Variants in LDLRAD3 observed in about 807,000 individuals in gnomAD.
LDLRAD3 encodes low-density lipoprotein receptor class A domain-containing protein 3.
LDLRAD3 carries 20 observed loss-of-function variants against 29.4 expected under a neutral mutation model. The ratio of observed to expected loss-of-function variants is 0.68; its 90% CI spans 0.48 to 0.99. The LOEUF (loss-of-function observed/expected upper bound fraction) is 0.99. Among genes scored for constraint, LDLRAD3 ranks in the 50% least tolerant of loss-of-function variants. The pLI is 0.00. For synonymous variants in LDLRAD3, 157 were observed against 192.7 expected, an observed-to-expected ratio of 0.81 and a Z score of 1.53; for missense variants, 420 against 454.3, an observed-to-expected ratio of 0.92 and a Z score of 0.69.
intron 4 of LDLRAD3, among the ~76,000 whole-genome samples, chr11:36,163,936 G>C (rs1277374194): frequency 6.6e-6 from 1 of 152,206 alleles, no homozygotes; most frequent in Non-Finnish European, 1.5e-5. Flanking sequence ...TTTGTCCCTA[G>C]TGCTGAGTGG....
chr11:36,030,970 G>A (rs906729409), intron 1 of LDLRAD3, among the ~76,000 whole-genome samples: 1 of 152,180 alleles, frequency 6.6e-6, no homozygotes. Flanking sequence ...TTTTGTAGTT[G>A]CCCCAGTTTG....
At chr11:36,142,417 T>G (rs1408433973) in intron 4 of LDLRAD3, among the ~76,000 whole-genome samples, 2 of 152,210 alleles carry the variant, frequency 1.3e-5, no homozygotes, top group African/African-American at 4.8e-5. Context: ...TGGTGAAATT[T>G]TGAGGTTGAA....
At chr11:36,131,815 A>AGTTTGTATATC (rs1853929897) in intron 4 of LDLRAD3, among the ~76,000 whole-genome samples, 1 of 152,144 alleles carries the variant, frequency 6.6e-6, no homozygotes, top group Non-Finnish European at 1.5e-5. Context: ...AGTCTATATC[A>AGTTTGTATATC]CACATCTTGC....
chr11:36,227,845 A>T (rs1363457831), intron 5 of LDLRAD3, among the ~76,000 whole-genome samples: 1 of 152,212 alleles, frequency 6.6e-6, no homozygotes, highest in African/African-American at 2.4e-5. Flanking sequence ...CTCACCTGCT[A>T]CTGCAGAGCA....
chr11:36,045,443 G>A (rs78281444), intron 2 of LDLRAD3, among the ~76,000 whole-genome samples: 4,494 of 152,274 alleles, frequency 0.03, 116 homozygotes, highest in East Asian at 0.13. Flanking sequence ...AGATGTCTAA[G>A]GCAAGGTGTC....
chr11:35,970,267 A>T (rs192602690), intron 1 of LDLRAD3, among the ~76,000 whole-genome samples: 1 of 152,322 alleles, frequency 6.6e-6, no homozygotes, highest in Admixed American at 6.5e-5. Context: ...TCGTTAAGAC[A>T]CAGTTCTGTT....
chr11:36,151,565 C>G (rs143070700), intron 4 of LDLRAD3, among the ~76,000 whole-genome samples: 53 of 152,290 alleles, frequency 3.5e-4, no homozygotes, highest in African/African-American at 1.2e-3. Context: ...TTTCCAAAGC[C>G]CATGGTCTTT....
chr11:36,180,160 T>C (rs16928480), intron 4 of LDLRAD3, among the ~76,000 whole-genome samples: 10,900 of 152,154 alleles, frequency 0.072, 471 homozygotes, highest in African/African-American at 0.11. Context: ...CTATCATTTT[T>C]CCTCATCCTC....
At chr11:36,001,135 A>G (rs1851818919) in intron 1 of LDLRAD3, 1 of 152,212 alleles carries the variant, frequency 6.6e-6, no homozygotes, top group African/African-American at 2.4e-5. Context: ...CTTGGAGAAA[A>G]AAATGACTCC....
chr11:36,213,807 A>G lies in LDLRAD3; in HGVS notation c.455-13278A>G, dbSNP rs1855315817. Among the ~76,000 whole-genome samples the G allele has an allele frequency of 6.6e-6, 1 of 151,986 alleles. No homozygotes were observed. The highest frequency in any genetic ancestry group is 2.4e-5 in the African/African-American group (1 of 41,376). ...GCTTGGAGGCTCTGTGCCCCTGTGA[A>G]TCCCAACTGTTCTCCCTGCCTCCCT... On this transcript the variant is annotated intron_variant, in intron 4 of 5. Coordinates refer to ENST00000315571, the MANE Select transcript of LDLRAD3 (RefSeq NM_174902.4). The surrounding 1 kb of genome is among the most constrained non-coding windows in gnomAD (Gnocchi z 4.1).
chr11:36,128,117 C>CATATACATATATATATATATATATAT (rs1554966874), intron 4 of LDLRAD3, among the ~76,000 whole-genome samples: 6 of 98,952 alleles, frequency 6.1e-5, no homozygotes, highest in Non-Finnish European at 1.4e-4. Context: ...GTTGTTTTTA[C>CATATACATATATATATATATATATAT]ATATATATAT....
chr11:36,196,574 T>C (rs1032652772), intron 4 of LDLRAD3: 1 of 152,250 alleles, frequency 6.6e-6, no homozygotes, highest in African/African-American at 2.4e-5. Context: ...TCTTCCAGTT[T>C]TATCTCCTGC....
intron 1 of LDLRAD3, among the ~76,000 whole-genome samples, chr11:35,946,066 C>T (rs538240046): frequency 6.6e-6 from 1 of 152,252 alleles, no homozygotes; most frequent in East Asian, 1.9e-4. Flanking sequence ...CATTAAGCAT[C>T]ATCTTTTTAG....
At chr11:36,097,869 C>T (rs1314325415) in intron 3 of LDLRAD3, among the ~76,000 whole-genome samples, 1 of 151,946 alleles carries the variant, frequency 6.6e-6, no homozygotes, top group African/African-American at 2.4e-5. Context: ...ATTCCAAAAG[C>T]ACAGCAGCCT....
chr11:36,171,137 G>T (rs191386421), intron 4 of LDLRAD3, among the ~76,000 whole-genome samples: 21 of 152,228 alleles, frequency 1.4e-4, no homozygotes, highest in Admixed American at 1.2e-3. Flanking sequence ...ACTATTTGAT[G>T]AGATTATTTG....
intron 2 of LDLRAD3, among the ~76,000 whole-genome samples, chr11:36,060,191 A>T (rs1227157987): frequency 6.6e-6 from 1 of 150,982 alleles, no homozygotes; most frequent in Admixed American, 6.6e-5. Context: ...CATCTCTACT[A>T]AAAATACAAA....
At chr11:36,161,167 T>C (rs1426961231) in intron 4 of LDLRAD3, among the ~76,000 whole-genome samples, 1 of 152,216 alleles carries the variant, frequency 6.6e-6, no homozygotes, top group African/African-American at 2.4e-5. Flanking sequence ...CCATTCTTTC[T>C]GATTTCCCTT....
chr11:36,193,604 ATGT>A (rs1366052958), intron 4 of LDLRAD3, among the ~76,000 whole-genome samples: 1 of 152,118 alleles, frequency 6.6e-6, no homozygotes, highest in Non-Finnish European at 1.5e-5. Context: ...TGTGTGCTAG[ATGT>A]TGTCGCATGC....
chr11:36,061,284 A>C (rs1402538827), intron 2 of LDLRAD3, among the ~76,000 whole-genome samples: 1 of 152,168 alleles, frequency 6.6e-6, no homozygotes, highest in East Asian at 1.9e-4. Flanking sequence ...GACTGCAGGC[A>C]CGTGGCACTA....
Sources: gnomAD v4.1 joint callset for allele counts (sites outside exome capture counted in the v4.1 genomes callset) on GRCh38, gnomAD v4.1.1 for gene constraint, Gnocchi (gnomAD v3.1) non-coding constraint, MANE v1.5 for transcripts, NCBI Gene and HGNC (gene_info 2026-07-23, HGNC 2026-07-21) for gene names.